The following ATP8A1 variants were observed in gnomAD, a reference collection of about 807,000 sequenced individuals.
ATP8A1 encodes phospholipid-transporting ATPase IA.
A neutral mutation model predicts 177.7 loss-of-function variants in ATP8A1; 90 were observed. The ratio of observed to expected loss-of-function variants is 0.51; its 90% CI spans 0.43 to 0.60. ATP8A1 has a LOEUF of 0.60. Among genes scored for constraint, ATP8A1 ranks in the 20% least tolerant of loss-of-function variants. ATP8A1 has a pLI of 0.00. For synonymous variants in ATP8A1, 493 were observed against 485.9 expected (o/e 1.01, Z -0.19); for missense variants, 1,072 against 1,392.8 (o/e 0.77, Z 3.67).
chr4:42,451,014 G>A (rs1481332693), intron 30 of ATP8A1, among the ~76,000 whole-genome samples: 1 of 152,140 alleles, frequency 6.6e-6, no homozygotes, highest in Non-Finnish European at 1.5e-5. Context: ...CTGAGGCATC[G>A]GAGGGGAGAG....
chr4:42,446,790 C>T (rs2153175793), intron 30 of ATP8A1, 146 bp from the exon 31 acceptor site: 2 of 655,306 alleles, frequency 3.1e-6, no homozygotes, highest in South Asian at 4.6e-5. Flanking sequence ...AAAACAACCC[C>T]AAACACTCTT....
intron 24 of ATP8A1, among the ~76,000 whole-genome samples, chr4:42,497,807 A>C (rs1285379403): frequency 6.6e-6 from 1 of 152,216 alleles, no homozygotes; most frequent in Non-Finnish European, 1.5e-5. Context: ...TAATGTTTAC[A>C]CTTTTTACTA....
intron 23 of ATP8A1, among the ~76,000 whole-genome samples, chr4:42,504,280 C>G (rs551459622): frequency 6.6e-6 from 1 of 152,136 alleles, no homozygotes; most frequent in Admixed American, 6.5e-5. Flanking sequence ...CTTACTTAAC[C>G]GCAGACACTT....
chr4:42,475,257 C>T (rs1720918489), intron 25 of ATP8A1, among the ~76,000 whole-genome samples: 1 of 152,128 alleles, frequency 6.6e-6, no homozygotes, highest in Admixed American at 6.6e-5. Context: ...CCTTGACCTC[C>T]TGGGCTCAAG....
intron 15 of ATP8A1, among the ~76,000 whole-genome samples, chr4:42,560,168 T>G (rs1236607262): frequency 6.6e-6 from 1 of 152,164 alleles, no homozygotes; most frequent in Non-Finnish European, 1.5e-5. Context: ...TGCAAAGCAG[T>G]GTGTACAGTA....
intron 22 of ATP8A1, among the ~76,000 whole-genome samples, chr4:42,515,572 G>T (rs1162854502): frequency 6.6e-6 from 1 of 152,162 alleles, no homozygotes. Context: ...TGTCAACCAC[G>T]TTTTGGGGAG....
At chr4:42,553,394 GGT>G (rs1729707380) in intron 16 of ATP8A1, among the ~76,000 whole-genome samples, 1 of 152,140 alleles carries the variant, frequency 6.6e-6, no homozygotes, top group Non-Finnish European at 1.5e-5. Context: ...CTCCAAAAAT[GGT>G]AACTTTATTC....
chr4:42,454,381 A>G (rs1718251287), intron 29 of ATP8A1, among the ~76,000 whole-genome samples: 1 of 152,216 alleles, frequency 6.6e-6, no homozygotes, highest in Non-Finnish European at 1.5e-5. Flanking sequence ...ACTGTCCTGA[A>G]TTCAAGATTC....
At chr4:42,655,273 G>C (rs1741501009) in intron 1 of ATP8A1, among the ~76,000 whole-genome samples, 1 of 152,200 alleles carries the variant, frequency 6.6e-6, no homozygotes, top group South Asian at 2.1e-4. Flanking sequence ...CAGGAGTGTT[G>C]TAAGTTTCCA....
chr4:42,582,912 T>C (rs1332898445), intron 9 of ATP8A1, among the ~76,000 whole-genome samples: 1 of 152,146 alleles, frequency 6.6e-6, no homozygotes, highest in African/African-American at 2.4e-5. Flanking sequence ...GAAAATGTAA[T>C]ACATAAATTT....
chr4:42,642,719 G>A (rs1158654633), intron 1 of ATP8A1, among the ~76,000 whole-genome samples: 1 of 152,098 alleles, frequency 6.6e-6, no homozygotes, highest in Non-Finnish European at 1.5e-5. Flanking sequence ...ATCACTCCAT[G>A]CAGTAAGTAC....
At chr4:42,563,870 G>A (rs1731089726) in intron 15 of ATP8A1, among the ~76,000 whole-genome samples, 1 of 152,204 alleles carries the variant, frequency 6.6e-6, no homozygotes, top group African/African-American at 2.4e-5. Context: ...CATGGCAGGT[G>A]GATCACCTGA....
At chr4:42,508,305 G>A (rs376547192) in intron 22 of ATP8A1, among the ~76,000 whole-genome samples, 13 of 151,944 alleles carry the variant, frequency 8.6e-5, no homozygotes, top group African/African-American at 2.9e-4. Context: ...GCTAATTTGC[G>A]TATAAGACGG....
chr4:42,656,994 C>A lies in ATP8A1; in HGVS notation c.-121G>T. 1 of 1,094,136 alleles carries A rather than the reference C, an allele frequency of 9.1e-7. No homozygotes were observed. The highest frequency in any genetic ancestry group is 1.2e-6 in the Non-Finnish European group (1 of 850,042). The allele number at this position is 1,094,136 out of a possible 1,614,324, so 67.8% of individuals were successfully genotyped here. A position where few individuals can be genotyped will look rare whatever the true frequency, so the allele number is the denominator to read the frequency against. The stretch of plus-strand genomic sequence containing the variant: ...AGCTGCAGCCTGGGCCGCGCCGCCG[C>A]CCACCTAGGGCAGAGCTGCCGCCGG... On this transcript the variant is annotated 5_prime_UTR_variant, in exon 1 of 37. Coordinates refer to ENST00000381668, the MANE Select transcript of ATP8A1 (RefSeq NM_006095.2).
chr4:42,522,051 G>C (rs1485253784), intron 22 of ATP8A1, 109 bp downstream of exon 22: 8 of 1,246,544 alleles, frequency 6.4e-6, no homozygotes, highest in African/African-American at 1.5e-5. Context: ...ATTCAATAGT[G>C]AATGGTATGT....
chr4:42,589,051 C>T (rs948046725), intron 7 of ATP8A1, among the ~76,000 whole-genome samples: 2 of 152,156 alleles, frequency 1.3e-5, no homozygotes, highest in African/African-American at 4.8e-5. Context: ...GGGTTCCCCA[C>T]CAGTGTGTCT....
At chr4:42,594,589 A>G (rs1734540431) in intron 6 of ATP8A1, among the ~76,000 whole-genome samples, 1 of 152,104 alleles carries the variant, frequency 6.6e-6, no homozygotes, top group African/African-American at 2.4e-5. Flanking sequence ...TCTTGATAAA[A>G]TCAATCTATT....
chr4:42,502,853 TA>T (rs1723991808), intron 24 of ATP8A1, among the ~76,000 whole-genome samples: 1 of 152,268 alleles, frequency 6.6e-6, no homozygotes, highest in Admixed American at 6.5e-5. Flanking sequence ...TCCTTTACTT[TA>T]ATATTAACAG....
intron 33 of ATP8A1, among the ~76,000 whole-genome samples, chr4:42,424,112 T>C (rs1473050565): frequency 6.6e-6 from 1 of 152,154 alleles, no homozygotes; most frequent in African/African-American, 2.4e-5. Flanking sequence ...ATCTTAATTT[T>C]TGTTCAATGA....
Sources: allele counts gnomAD v4.1 joint callset (sites outside exome capture counted in the v4.1 genomes callset), GRCh38; gene constraint gnomAD v4.1.1; transcripts MANE v1.5; gene names NCBI Gene and HGNC (gene_info 2026-07-23, HGNC 2026-07-21).